NADSYN1: variants seen among roughly 807,000 people sequenced by gnomAD.
NADSYN1 encodes the protein glutamine-dependent NAD(+) synthetase.
In NADSYN1, 80 loss-of-function variants were observed where a neutral mutation model predicts 99.3. The ratio of observed to expected loss-of-function variants is 0.81; its 90% confidence interval spans 0.67 to 0.97. NADSYN1 has a LOEUF of 0.97. NADSYN1 is among the 50% of genes least tolerant of loss of function. The pLI, the probability that NADSYN1 is intolerant of heterozygous loss-of-function variation, is 0.00. For synonymous variants in NADSYN1, 385 were observed against 372.1 expected (o/e 1.03, Z -0.40); for missense variants, 859 against 948.5 (o/e 0.91, Z 1.24).
intron 18 of NADSYN1, among the ~76,000 whole-genome samples, chr11:71,496,173 T>G (rs942169355): frequency 2.6e-5 from 4 of 152,174 alleles, no homozygotes; most frequent in African/African-American, 9.7e-5. Flanking sequence ...AATGACCCAG[T>G]GGCGTAAAAC....
chr11:71,473,408 A>T (rs778351388), intron 7 of NADSYN1, 42 bp downstream of exon 7: 2 of 1,589,112 alleles, frequency 1.3e-6, no homozygotes, highest in Non-Finnish European at 1.7e-6. Flanking sequence ...CCCACCTCAT[A>T]TGGGCCAGCT....
intron 3 of NADSYN1, chr11:71,459,956 C>T (rs538654441): frequency 6.6e-6 from 1 of 152,516 alleles, no homozygotes; most frequent in East Asian, 1.9e-4. Context: ...TTCTGAAGGT[C>T]GGAGGTCAAG....
In NADSYN1 at chr11:71,464,152, G is replaced by A. The variant is rs367728142; in HGVS notation, c.407+10G>A. 4.2e-4 allele frequency: 674 copies of A among 1,598,214 alleles called. 5 individuals are homozygous for A. In the South Asian group the frequency reaches 7.1e-3, roughly 17 times the overall value. On this transcript the variant is annotated intron_variant, in intron 5 of 20. Coordinates refer to ENST00000319023, the MANE Select transcript of NADSYN1 (RefSeq NM_018161.5). ...CGTGGTCGAGGAGTCGGTGAGTCGGGTGCCTGACCACTCCTGGGATGTGCG... is the reference window on the plus strand; with the variant it reads ...CGTGGTCGAGGAGTCGGTGAGTCGGATGCCTGACCACTCCTGGGATGTGCG...
chr11:71,463,327 C>A, intron 3 of NADSYN1, 105 bp from the exon 4 acceptor site: 1 of 1,021,976 alleles, frequency 9.8e-7, no homozygotes, highest in Admixed American at 1.9e-5. Context: ...GAGGAAGCTT[C>A]GTAGTAAAGT....
At chr11:71,481,555 G>A in intron 12 of NADSYN1, 151 bp downstream of exon 12, 1 of 819,158 alleles carries the variant, frequency 1.2e-6, no homozygotes. Context: ...AGCTTAGTCT[G>A]TGCTAGCCAG....
At chr11:71,484,769 CTGAGCCTGAGTG>C in intron 15 of NADSYN1, 2 of 328,290 alleles carry the variant, frequency 6.1e-6, no homozygotes, top group South Asian at 4.0e-5. Flanking sequence ...GAGGGTGTGT[CTGAGCCTGAGTG>C]TGAGCCTGAG....
chr11:71,491,063 C>T (rs1424409672), intron 17 of NADSYN1, 87 bp downstream of exon 17: 1 of 1,549,026 alleles, frequency 6.5e-7, no homozygotes, highest in Non-Finnish European at 8.8e-7. Flanking sequence ...ACTCAGGCTC[C>T]TTCGTAGCTC....
At chr11:71,498,616 C>T (rs746315327) in intron 20 of NADSYN1, 88 bp downstream of exon 20, 22 of 1,437,048 alleles carry the variant, frequency 1.5e-5, no homozygotes, top group Non-Finnish European at 2.0e-5. Flanking sequence ...GAAAAACTTT[C>T]TTATATACAC....
chr11:71,454,348 A>T (rs764431679), intron 1 of NADSYN1, among the ~76,000 whole-genome samples: 2 of 151,974 alleles, frequency 1.3e-5, no homozygotes, highest in African/African-American at 4.8e-5. Flanking sequence ...AGTAGCTGGG[A>T]TTACAGGCGT....
At chr11:71,466,592 C>T (rs2120423059) in intron 5 of NADSYN1, 1 of 152,372 alleles carries the variant, frequency 6.6e-6, no homozygotes, top group African/African-American at 2.4e-5. Flanking sequence ...TAATTTCACT[C>T]TCTCTGCCAG....
At chr11:71,497,162 G>T in intron 18 of NADSYN1, 1 of 335,360 alleles carries the variant, frequency 3.0e-6, no homozygotes, top group East Asian at 6.9e-5. Flanking sequence ...ACAAGTGTGA[G>T]CCACTATGCC....
rs371250927 is a variant in NADSYN1, at chr11:71,468,161, C to T, written c.407+4019C>T. Among the ~76,000 whole-genome samples, 15 of 152,224 alleles carry T rather than the reference C, an allele frequency of 9.9e-5. No individual in the cohort carries two copies. The South Asian group carries it at 3.1e-3, about 32-fold the overall frequency. The stretch of plus-strand genomic sequence containing the variant: ...CAAAATCAAGACATTTTCACACAAG[C>T]AAAAACAGTTTTTTATCATTAAAAG... On this transcript the variant is annotated intron_variant, in intron 5 of 20. Transcript: ENST00000319023.
At chr11:71,474,895 GGA>G in intron 9 of NADSYN1, 1 of 329,344 alleles carries the variant, frequency 3.0e-6, no homozygotes, top group Non-Finnish European at 6.0e-6. Flanking sequence ...AGTAGTGGAC[GGA>G]TGAGGTTGAG....
At chr11:71,463,699 A>G (rs1167352765) in intron 4 of NADSYN1, among the ~76,000 whole-genome samples, 1 of 151,872 alleles carries the variant, frequency 6.6e-6, no homozygotes, top group East Asian at 2.0e-4. Context: ...AGGCATCATC[A>G]GGTATCAGAA....
At chr11:71,478,606 G>A (rs187266832) in intron 10 of NADSYN1, 137 bp downstream of exon 10, 20 of 751,456 alleles carry the variant, frequency 2.7e-5, no homozygotes, top group Middle Eastern at 7.5e-4. Flanking sequence ...CTTCCCGAGC[G>A]TGGAAAGGGG....
chr11:71,479,174 G>A (rs1949688517), intron 10 of NADSYN1: 2 of 152,214 alleles, frequency 1.3e-5, no homozygotes, highest in African/African-American at 4.8e-5. Flanking sequence ...GGACCTCTGG[G>A]GCTCAAGTGA....
Position 71,498,421 on chromosome 11 carries a change from C to T in NADSYN1, c.1963C>T (p.Pro655Ser), listed in dbSNP as rs1274974781. The T allele has an allele frequency of 2.5e-6, 4 of 1,614,038 alleles. No homozygotes were observed. Among genetic ancestry groups the T allele is most frequent in the African/African-American group, 1.3e-5 (1 of 74,916 alleles). ...MNRHKMTTLT[P>S]AYHAENYSPE... ...CAGACACAAGATGACCACGCTCACA[C>T]CCGCGTACCACGCCGAGAACTACAG... Residue 655 changes from proline to serine, a missense_variant, in exon 20 of 21, where the codon CCC (proline) becomes TCC (serine). Pro to Ser is a moderately conservative substitution (Grantham distance 74). Transcript: ENST00000319023.
At chr11:71,496,590 CT>C (rs1376378761) in intron 18 of NADSYN1, 1 of 152,550 alleles carries the variant, frequency 6.6e-6, no homozygotes, top group Non-Finnish European at 1.5e-5. Context: ...TATCCATGGC[CT>C]GGGGGTTGGT....
chr11:71,490,241 G>A (rs894336192), intron 16 of NADSYN1, among the ~76,000 whole-genome samples: 2 of 152,122 alleles, frequency 1.3e-5, no homozygotes, highest in Non-Finnish European at 2.9e-5. Flanking sequence ...CCTTTCCCCT[G>A]CAGTCAGGGC....
Sources: allele counts gnomAD v4.1 joint callset (sites outside exome capture counted in the v4.1 genomes callset), GRCh38; gene constraint gnomAD v4.1.1; transcripts MANE v1.5; gene names NCBI Gene and HGNC (gene_info 2026-07-23, HGNC 2026-07-21).